The following H6PD variants were observed in gnomAD, a reference collection of about 807,000 sequenced individuals.
H6PD encodes the protein hexose-6-phosphate dehydrogenase/glucose 1-dehydrogenase.
In H6PD, 48 loss-of-function variants were observed where a neutral mutation model predicts 61.2. That is an observed-to-expected ratio of 0.78 (90% CI 0.62 to 1.00). H6PD has a LOEUF of 1.00. Ranked by LOEUF, H6PD falls within the 50% of genes least tolerant of loss-of-function variation. The probability of loss-of-function intolerance (pLI) is 0.00; values close to 1 mark genes in which losing one functional copy is unlikely to be tolerated. For synonymous variants in H6PD, 480 were observed against 457.9 expected (o/e 1.05, Z -0.62); for missense variants, 1,093 against 1,065.0 (o/e 1.03, Z -0.37).
At chr1:9,235,586 T>G (rs1640829017) in intron 1 of H6PD, among the ~76,000 whole-genome samples, 1 of 152,206 alleles carries the variant, frequency 6.6e-6, no homozygotes, top group African/African-American at 2.4e-5. Context: ...TTATTTTATC[T>G]TTTTACTTTT....
intron 3 of H6PD, among the ~76,000 whole-genome samples, chr1:9,247,742 T>C (rs910842705): frequency 2.2e-4 from 34 of 152,174 alleles, no homozygotes; most frequent in African/African-American, 7.5e-4. Flanking sequence ...CCCTGCGTCA[T>C]GCCCACCGCT....
In H6PD at chr1:9,264,675, C is replaced by T. The variant is rs148871605; in HGVS notation, c.2182C>T (p.Arg728Cys). ...LTTSPSQPHR[R>C]MSLSLPLINR... Reference sequence around the variant, plus strand: ...CACGAGCCCCTCCCAGCCACACCGCCGCATGAGCCTTAGCCTGCCTCTCAT... The same window carrying T: ...CACGAGCCCCTCCCAGCCACACCGCTGCATGAGCCTTAGCCTGCCTCTCAT... The change falls in exon 5 of 5, where the codon CGC becomes TGC. Residue 728 changes from arginine (R) to cysteine (C), a missense_variant. Coordinates refer to ENST00000377403, the MANE Select transcript of H6PD (RefSeq NM_004285.4). 163 of 1,613,288 alleles carry T rather than the reference C, an allele frequency of 1.0e-4. No individual in the cohort carries two copies. The Middle Eastern group carries it at 2.5e-3, about 24-fold the overall frequency.
Position 9,246,963 on chromosome 1 carries a change from C to G in H6PD, c.628-3C>G. ...AGCACGCCCAGTCTTCCCCCCCCGA[C>G]AGGCTGTGGCGCAGATCCTGCCTTT... On this transcript the variant is annotated splice_region_variant and splice_polypyrimidine_tract_variant and intron_variant, in intron 2 of 4. Coordinates refer to ENST00000377403, the MANE Select transcript of H6PD (RefSeq NM_004285.4). 1 of 1,603,908 alleles carries G rather than the reference C, an allele frequency of 6.2e-7. No individual in the cohort carries two copies. Among genetic ancestry groups the G allele is most frequent in the South Asian group, 1.1e-5 (1 of 90,966 alleles).
chr1:9,239,743 G>T, intron 1 of H6PD: 1 of 373,126 alleles, frequency 2.7e-6, no homozygotes, highest in Non-Finnish European at 4.8e-6. Flanking sequence ...GCTGGGAAAG[G>T]GAACAGGGCA....
chr1:9,257,814 T>C (rs3753165), intron 3 of H6PD, among the ~76,000 whole-genome samples: 78,418 of 152,136 alleles, frequency 0.52, 20,478 homozygotes, highest in Middle Eastern at 0.57. Flanking sequence ...CTTTGAGAAA[T>C]GATGGCTCCT....
At position 9,263,870 on chromosome 1, in the gene H6PD, C is replaced by T. The variant is rs764926418; in HGVS notation, c.1377C>T (p.Ser459=). The change falls in exon 5 of 5, where the codon TCC becomes TCT. Residue 459 remains serine, a synonymous_variant. Coordinates refer to ENST00000377403, the MANE Select transcript of H6PD (RefSeq NM_004285.4). The stretch of plus-strand genomic sequence containing the variant: ...CTGTGCGGGAGCGGGACGCCCACTC[C>T]GTCCTCTTATCCCATATCTTCCATG... ...YSPVRERDAH[S]VLLSHIFHGR... 2.9e-5 allele frequency: 47 copies of T among 1,613,998 alleles called. No individual in the cohort carries two copies. The highest frequency in any genetic ancestry group is 1.6e-4 in the African/African-American group (12 of 74,950).
chr1:9,252,124 G>A (rs1004685166), intron 3 of H6PD, among the ~76,000 whole-genome samples: 2 of 152,056 alleles, frequency 1.3e-5, no homozygotes, highest in Admixed American at 6.5e-5. Context: ...GAGAGGCAGC[G>A]GCAGTGTTCT....
chr1:9,264,258 C>T lies in H6PD; in HGVS notation c.1765C>T (p.Leu589=), dbSNP rs758165914. The T allele has an allele frequency of 4.3e-6, 7 of 1,609,936 alleles. No individual in the cohort carries two copies. The highest frequency in any genetic ancestry group is 1.6e-4 in the Middle Eastern group (1 of 6,080). Residue 589 remains leucine (L), a synonymous_variant, in exon 5 of 5, where the codon CTG becomes TTG. Transcript: ENST00000377403. The part of the protein sequence containing the change: ...VRRFGQFHLA[L]SGGSSPVALF... ...GCGCTTTGGCCAGTTCCACCTGGCA[C>T]TGTCGGGGGGCTCGAGCCCCGTGGC...
intron 3 of H6PD, 101 bp from the exon 4 acceptor site, chr1:9,261,958 G>A: frequency 8.5e-7 from 1 of 1,171,202 alleles, no homozygotes; most frequent in South Asian, 1.3e-5. Flanking sequence ...GGAAGAGGAT[G>A]CAGGATGAAT....
intron 3 of H6PD, among the ~76,000 whole-genome samples, chr1:9,247,915 C>T (rs375959627): frequency 1.3e-5 from 2 of 152,218 alleles, no homozygotes; most frequent in South Asian, 2.1e-4. Context: ...TGCCCAGTAA[C>T]GATAAGAGCT....
At position 9,245,541 on chromosome 1, in the gene H6PD, G is replaced by C; in HGVS notation, c.607G>C (p.Asp203His). The C allele has an allele frequency of 6.2e-7, 1 of 1,614,196 alleles. No individual in the cohort carries two copies. Among genetic ancestry groups the C allele is most frequent in the Non-Finnish European group, 8.5e-7 (1 of 1,180,036 alleles). ...FFQEEEMYRVDHYLGKQAVAQ... is the reference protein window; with the variant it reads ...FFQEEEMYRVHHYLGKQAVAQ... ...CCAGGAGGAGGAGATGTACCGGGTG[G>C]ACCATTACTTAGGCAAGCAGGTGAG... Residue 203 changes from aspartate (D) to histidine (H), a missense_variant, in exon 2 of 5, where the codon GAC becomes CAC. Transcript: ENST00000377403. The surrounding 1 kb of genome is among the most constrained non-coding windows in gnomAD (Gnocchi z 4.8).
At chr1:9,244,851 T>G in intron 1 of H6PD, 74 bp from the exon 2 acceptor site, 1 of 1,384,426 alleles carries the variant, frequency 7.2e-7, no homozygotes. Flanking sequence ...AGGAAGTGTT[T>G]GTTTCCACAT....
rs1213237126 is a variant in H6PD at position 9,254,537 on chromosome 1, C to G, written c.745+7454C>G. On this transcript the variant is annotated intron_variant, in intron 3 of 4. Coordinates refer to ENST00000377403, the MANE Select transcript of H6PD (RefSeq NM_004285.4). This position sits in a 1 kb window ranked among gnomAD's most constrained non-coding sequence, Gnocchi z 4.6. ...GCAGTTCACTGTGACTTCGTTCCCTCCTACCTTTGTTACTTCCTTTGATGG... is the reference window on the plus strand; with the variant it reads ...GCAGTTCACTGTGACTTCGTTCCCTGCTACCTTTGTTACTTCCTTTGATGG... 1.3e-5 allele frequency among the ~76,000 whole-genome samples: 2 copies of G among 152,114 alleles called. No homozygotes were observed. Among genetic ancestry groups the G allele is most frequent in the African/African-American group, 4.8e-5 (2 of 41,410 alleles).
intron 3 of H6PD, among the ~76,000 whole-genome samples, chr1:9,261,736 G>C (rs922721868): frequency 5.3e-5 from 8 of 152,264 alleles, no homozygotes; most frequent in African/African-American, 1.9e-4. Context: ...CAGGCAGGGC[G>C]GGGCGAGGGG....
chr1:9,251,680 A>C (rs537698706), intron 3 of H6PD, among the ~76,000 whole-genome samples: 1 of 152,000 alleles, frequency 6.6e-6, no homozygotes, highest in East Asian at 1.9e-4. Flanking sequence ...AGGGGCCAGG[A>C]GCTCACTCAG....
intron 3 of H6PD, among the ~76,000 whole-genome samples, chr1:9,252,386 T>G (rs2100354264): frequency 6.6e-6 from 1 of 152,318 alleles, no homozygotes; most frequent in Non-Finnish European, 1.5e-5. Context: ...GCTTTTTGGT[T>G]GTTTCTAGTT....
In H6PD at chr1:9,263,767, C is replaced by T. The variant is rs1488942219; in HGVS notation, c.1274C>T (p.Ser425Phe). ...SRNLFRPSLP[S>F]SWKEMEGPPG... ...AACCTGTTCAGGCCCTCCCTGCCCT[C>T]CAGCTGGAAGGAAATGGAGGGACCA... Residue 425 changes from serine (S) to phenylalanine (F), a missense_variant, in exon 5 of 5, where the codon TCC becomes TTC. Physicochemically the swap from Ser to Phe is radical, Grantham distance 155. Transcript: ENST00000377403. 6.2e-7 allele frequency: 1 copy of T among 1,613,992 alleles called. No homozygotes were observed. The highest frequency in any genetic ancestry group is 8.5e-7 in the Non-Finnish European group (1 of 1,180,034).
At chr1:9,258,334 TAC>T (rs1641590445) in intron 3 of H6PD, among the ~76,000 whole-genome samples, 1 of 152,186 alleles carries the variant, frequency 6.6e-6, no homozygotes. Context: ...CCAGGGTTGT[TAC>T]ATTGTTGTTA....
intron 1 of H6PD, among the ~76,000 whole-genome samples, chr1:9,239,567 G>A (rs188888086): frequency 1.3e-5 from 2 of 152,324 alleles, no homozygotes; most frequent in East Asian, 3.9e-4. Context: ...GTTGGCTATT[G>A]TAAAAAGACT....
Sources: allele counts gnomAD v4.1 joint callset (sites outside exome capture counted in the v4.1 genomes callset), GRCh38; gene constraint gnomAD v4.1.1; non-coding constraint Gnocchi (gnomAD v3.1); transcripts MANE v1.5; gene names NCBI Gene and HGNC (gene_info 2026-07-23, HGNC 2026-07-21).